PCDHGA3: variants seen among roughly 807,000 people sequenced by gnomAD.
PCDHGA3 encodes protocadherin gamma subfamily A, 3, also known as protocadherin gamma-A3.
Under a neutral mutation model 58.5 loss-of-function variants are expected in PCDHGA3, and 40 were observed. The ratio of observed to expected loss-of-function variants is 0.68; its 90% CI spans 0.53 to 0.89. PCDHGA3 has a LOEUF of 0.89. Among genes scored for constraint, PCDHGA3 ranks in the 40% least tolerant of loss-of-function variants. PCDHGA3 has a pLI of 0.00. For synonymous variants in PCDHGA3, 530 were observed against 525.7 expected (o/e 1.01, Z -0.11); for missense variants, 1,223 against 1,195.9 (o/e 1.02, Z -0.33).
rs764241006 is a variant in PCDHGA3 at position 141,345,969 on chromosome 5, G to A, written c.1936G>A (p.Val646Ile). The A allele has an allele frequency of 2.0e-4, 322 of 1,613,170 alleles. 1 individual carries two copies. The highest frequency in any genetic ancestry group is 1.5e-3 in the African/African-American group (115 of 74,994). ...DALKQSLVVA[V>I]QDHGQPPLSA... Reference sequence around the variant, plus strand: ...GCTCAAGCAGAGCCTCGTGGTGGCCGTCCAGGACCACGGCCAGCCCCCTCT... The same window carrying A: ...GCTCAAGCAGAGCCTCGTGGTGGCCATCCAGGACCACGGCCAGCCCCCTCT... Residue 646 changes from valine to isoleucine, a missense_variant, in exon 1 of 4, where the codon GTC (valine) becomes ATC (isoleucine). Physicochemically the swap from Val to Ile is conservative, Grantham distance 29 (BLOSUM62 3). Coordinates refer to ENST00000253812, the MANE Select transcript of PCDHGA3 (RefSeq NM_018916.4).
chr5:141,390,532 T>A, intron 1 of PCDHGA3: 1 of 531,632 alleles, frequency 1.9e-6, no homozygotes, highest in Non-Finnish European at 3.3e-6. Flanking sequence ...GGTGTGGTTT[T>A]AACCACAAAG....
chr5:141,408,176 G>C, intron 1 of PCDHGA3: 1 of 1,533,992 alleles, frequency 6.5e-7, no homozygotes, highest in South Asian at 1.2e-5. Flanking sequence ...TGGAAAAGCG[G>C]GGACCCAGCG....
chr5:141,409,669 C>T, intron 1 of PCDHGA3: 1 of 1,613,528 alleles, frequency 6.2e-7, no homozygotes, highest in Non-Finnish European at 8.5e-7. Context: ...ACATCTCCTA[C>T]TCTATAGTGG....
In PCDHGA3 at chr5:141,383,423, A is replaced by G. The variant is rs373117845; in HGVS notation, c.2424+36966A>G. 86 of 1,613,864 alleles carry G rather than the reference A, an allele frequency of 5.3e-5. No individual in the cohort carries two copies. The highest frequency in any genetic ancestry group is 1.6e-4 in the Middle Eastern group (1 of 6,084). On this transcript the variant is annotated intron_variant, in intron 1 of 3. Transcript: ENST00000253812. ...CTCCAGAGTTACCAGCTCAGCCCCAATCGCCACTTCTCCCTGGCTGTGCAA... is the reference window on the plus strand; with the variant it reads ...CTCCAGAGTTACCAGCTCAGCCCCAGTCGCCACTTCTCCCTGGCTGTGCAA...
At chr5:141,456,058 C>T (rs1488082918) in intron 1 of PCDHGA3, among the ~76,000 whole-genome samples, 3 of 151,880 alleles carry the variant, frequency 2.0e-5, no homozygotes, top group Admixed American at 6.6e-5. Context: ...CCACCACGTC[C>T]GGCTAATTTT....
Position 141,431,535 on chromosome 5 carries a change from C to T in PCDHGA3, c.2425-63272C>T. On this transcript the variant is annotated intron_variant, in intron 1 of 3. Coordinates refer to ENST00000253812, the MANE Select transcript of PCDHGA3 (RefSeq NM_018916.4). This position sits in a 1 kb window ranked among gnomAD's most constrained non-coding sequence, Gnocchi z 4.8. ...GTTCCGGAGAATCTGGCCTTGGGCA[C>T]GCAGCTGCTTGTAGTCAACGCTACC... is the stretch of plus-strand genomic sequence containing the variant. 3 of 1,614,076 alleles carry T rather than the reference C, an allele frequency of 1.9e-6. No individual in the cohort carries two copies. Among genetic ancestry groups the T allele is most frequent in the Non-Finnish European group, 2.5e-6 (3 of 1,180,038 alleles).
At chr5:141,500,840 C>T (rs1394248251) in intron 2 of PCDHGA3, among the ~76,000 whole-genome samples, 1 of 151,966 alleles carries the variant, frequency 6.6e-6, no homozygotes, top group Non-Finnish European at 1.5e-5. Flanking sequence ...TGCTAATGGG[C>T]TTTTGCTACA....
At chr5:141,393,228 G>C (rs753113857) in intron 1 of PCDHGA3, 2 of 1,613,720 alleles carry the variant, frequency 1.2e-6, no homozygotes, top group East Asian at 2.2e-5. Context: ...CGAAGATCTA[G>C]AAGTAAAAAT....
intron 1 of PCDHGA3, chr5:141,364,442 G>C (rs755897877): frequency 2.5e-6 from 4 of 1,613,950 alleles, no homozygotes; most frequent in Non-Finnish European, 1.7e-6. Context: ...GATGCCGGAG[G>C]AGCTGGACAA....
In PCDHGA3 at chr5:141,402,356, T is replaced by C. The variant is rs183915738; in HGVS notation, c.2424+55899T>C. Among the ~76,000 whole-genome samples, 46 of 152,098 alleles carry C rather than the reference T, an allele frequency of 3.0e-4. 1 individual carries two copies. Among genetic ancestry groups the C allele is most frequent in the African/African-American group, 1.0e-3 (43 of 41,550 alleles). On this transcript the variant is annotated intron_variant, in intron 1 of 3. Coordinates refer to ENST00000253812, the MANE Select transcript of PCDHGA3 (RefSeq NM_018916.4). ...TATAGGTATAAAAATTAAAAATGAA[T>C]GTACTTCCAAACAAGATTGCACATA...
intron 1 of PCDHGA3, chr5:141,356,414 T>C: frequency 6.2e-7 from 1 of 1,602,126 alleles, no homozygotes; most frequent in Non-Finnish European, 8.5e-7. Context: ...TATCGGTTGT[T>C]GACACACAGA....
At chr5:141,426,487 G>A (rs999549044) in intron 1 of PCDHGA3, 2 of 333,788 alleles carry the variant, frequency 6.0e-6, no homozygotes, top group African/African-American at 4.3e-5. Context: ...AAACCTTAGA[G>A]TTAGTGCAGA....
At chr5:141,414,458 C>T (rs2095749873) in intron 1 of PCDHGA3, 9 of 1,613,698 alleles carry the variant, frequency 5.6e-6, no homozygotes, top group Non-Finnish European at 6.8e-6. Flanking sequence ...ACAGTGACAG[C>T]CACAGATGGG....
chr5:141,432,016 C>G lies in PCDHGA3; in HGVS notation c.2425-62791C>G. 1 of 1,614,202 alleles carries G rather than the reference C, an allele frequency of 6.2e-7. No individual in the cohort carries two copies. The highest frequency in any genetic ancestry group is 1.1e-5 in the South Asian group (1 of 91,082). ...ATAGGGAACAGGTTCCTAGCTACAACATCACAGTGACCGCCACTGACCGGG... is the reference window on the plus strand; with the variant it reads ...ATAGGGAACAGGTTCCTAGCTACAAGATCACAGTGACCGCCACTGACCGGG... On this transcript the variant is annotated intron_variant, in intron 1 of 3. Coordinates refer to ENST00000253812, the MANE Select transcript of PCDHGA3 (RefSeq NM_018916.4). The surrounding 1 kb of genome is among the most constrained non-coding windows in gnomAD (Gnocchi z 6.0).
At position 141,371,310 on chromosome 5, in the gene PCDHGA3, G is replaced by C. The variant is rs371403587; in HGVS notation, c.2424+24853G>C. ...AACGGGGGAACTCACCACTATTGGA[G>C]AACTGGACTTTGAAGAGAGAGATAG... On this transcript the variant is annotated intron_variant, in intron 1 of 3. Coordinates refer to ENST00000253812, the MANE Select transcript of PCDHGA3 (RefSeq NM_018916.4). 3.1e-6 allele frequency: 5 copies of C among 1,613,874 alleles called. No individual in the cohort carries two copies. Among genetic ancestry groups the C allele is most frequent in the Non-Finnish European group, 4.2e-6 (5 of 1,179,886 alleles).
At chr5:141,387,533 C>A (rs2090979640) in intron 1 of PCDHGA3, among the ~76,000 whole-genome samples, 1 of 152,192 alleles carries the variant, frequency 6.6e-6, no homozygotes, top group African/African-American at 2.4e-5. Flanking sequence ...GACGTATCCA[C>A]GTAGTTTTTG....
chr5:141,374,416 G>A, intron 1 of PCDHGA3: 2 of 1,613,948 alleles, frequency 1.2e-6, no homozygotes, highest in Non-Finnish European at 1.7e-6. Context: ...TCCTTGTCGA[G>A]GATAAACTGA....
At chr5:141,353,402 ATCT>A (rs1178669390) in intron 1 of PCDHGA3, among the ~76,000 whole-genome samples, 1 of 152,140 alleles carries the variant, frequency 6.6e-6, no homozygotes, top group African/African-American at 2.4e-5. Context: ...AATTAATGTA[ATCT>A]TCATCAATTA....
At chr5:141,385,191 G>A (rs775228510) in intron 1 of PCDHGA3, 1 of 1,614,086 alleles carries the variant, frequency 6.2e-7, no homozygotes, top group African/African-American at 1.3e-5. Context: ...CGGACTCTCG[G>A]AAGAGTCACC....
Sources: gnomAD v4.1 joint callset for allele counts (sites outside exome capture counted in the v4.1 genomes callset) on GRCh38, gnomAD v4.1.1 for gene constraint, Gnocchi (gnomAD v3.1) non-coding constraint, MANE v1.5 for transcripts, NCBI Gene and HGNC (gene_info 2026-07-23, HGNC 2026-07-21) for gene names.